The following CLSTN2 variants were observed in gnomAD, a reference collection of about 807,000 sequenced individuals.
CLSTN2 encodes the protein calsyntenin 2.
A neutral mutation model predicts 101.2 loss-of-function variants in CLSTN2; 48 were observed. That is an observed-to-expected ratio of 0.47 (90% CI 0.38 to 0.60). The LOEUF (loss-of-function observed/expected upper bound fraction) is 0.60, where lower values mean the gene tolerates loss of function less well. Among genes scored for constraint, CLSTN2 ranks in the 20% least tolerant of loss-of-function variants. CLSTN2 has a pLI of 0.00. For missense variants in CLSTN2, 1,160 were observed against 1,238.2 expected (o/e 0.94, Z 0.95); for synonymous variants, 481 against 463.6 (o/e 1.04, Z -0.48).
intron 1 of CLSTN2, among the ~76,000 whole-genome samples, chr3:140,122,104 A>G (rs2009350953): frequency 6.6e-6 from 1 of 152,132 alleles, no homozygotes; most frequent in Non-Finnish European, 1.5e-5. Context: ...GTATCTCCCC[A>G]TGGTCTCTCT....
intron 6 of CLSTN2, among the ~76,000 whole-genome samples, chr3:140,450,574 G>T (rs939269091): frequency 2.0e-5 from 3 of 152,134 alleles, no homozygotes; most frequent in Non-Finnish European, 4.4e-5. Context: ...CTTACAGTGG[G>T]CTTGTATTTG....
intron 1 of CLSTN2, among the ~76,000 whole-genome samples, chr3:140,052,744 C>T (rs936180197): frequency 5.9e-5 from 9 of 152,312 alleles, no homozygotes; most frequent in Middle Eastern, 3.4e-3. Context: ...CCAGCTGATA[C>T]GTGAAAAAAC....
chr3:140,138,007 T>C (rs1482224779), intron 1 of CLSTN2, among the ~76,000 whole-genome samples: 1 of 152,154 alleles, frequency 6.6e-6, no homozygotes, highest in Non-Finnish European at 1.5e-5. Flanking sequence ...CCATACGACA[T>C]ACACATATTC....
At chr3:140,394,281 A>T (rs1439996761) in intron 2 of CLSTN2, among the ~76,000 whole-genome samples, 1 of 152,200 alleles carries the variant, frequency 6.6e-6, no homozygotes, top group Non-Finnish European at 1.5e-5. Flanking sequence ...TTCATTTTCA[A>T]ATTTATCAAG....
At chr3:139,953,661 C>G (rs776876380) in intron 1 of CLSTN2, among the ~76,000 whole-genome samples, 1 of 152,204 alleles carries the variant, frequency 6.6e-6, no homozygotes, top group Non-Finnish European at 1.5e-5. Flanking sequence ...CCTTCCCTCT[C>G]CCTCAGGTGG....
At chr3:140,300,729 T>G (rs2087050130) in intron 2 of CLSTN2, among the ~76,000 whole-genome samples, 1 of 152,130 alleles carries the variant, frequency 6.6e-6, no homozygotes, top group Non-Finnish European at 1.5e-5. Flanking sequence ...AAATTATTAC[T>G]GAGGGCCACA....
chr3:140,425,587 A>G (rs2088558427), intron 5 of CLSTN2, among the ~76,000 whole-genome samples: 1 of 152,172 alleles, frequency 6.6e-6, no homozygotes, highest in African/African-American at 2.4e-5. Context: ...AGCCCATGGC[A>G]CTGAACTTTC....
intron 1 of CLSTN2, among the ~76,000 whole-genome samples, chr3:139,997,956 C>T (rs2006719442): frequency 6.6e-6 from 1 of 152,008 alleles, no homozygotes; most frequent in African/African-American, 2.4e-5. Context: ...TTCTGGGGAC[C>T]CTGGAGTTAT....
Position 140,202,229 on chromosome 3 carries a change from G to A in CLSTN2, c.232+26156G>A, listed in dbSNP as rs150106755. 2.1e-3 allele frequency among the ~76,000 whole-genome samples: 315 copies of A among 152,280 alleles called. 2 individuals carry two copies. Among genetic ancestry groups the A allele is most frequent in the African/African-American group, 7.2e-3 (301 of 41,554 alleles). ...CCTCTCTGCTCCTATATTGAGAAGA[G>A]GTTACAGGGCTCAAGAGCAGTGTCA... On this transcript the variant is annotated intron_variant, in intron 2 of 16. Transcript: ENST00000458420.
intron 9 of CLSTN2, among the ~76,000 whole-genome samples, chr3:140,532,924 TC>T (rs1050358790): frequency 1.1e-4 from 17 of 152,158 alleles, no homozygotes; most frequent in Non-Finnish European, 2.9e-5. Flanking sequence ...TTCTGGGAAC[TC>T]ACAAATGCCC....
rs79651574 is a variant in CLSTN2 at position 140,267,615 on chromosome 3, G to A, written c.232+91542G>A. On this transcript the variant is annotated intron_variant, in intron 2 of 16. Transcript: ENST00000458420. ...ATATAGTTATATTCTCAGAGACCGG[G>A]CTGTTTAAAACCACTGTGTTGCCTC... is the stretch of plus-strand genomic sequence containing the variant. Among the ~76,000 whole-genome samples the A allele has an allele frequency of 9.8e-3, 1,489 of 152,292 alleles. 13 individuals are homozygous for A. Among genetic ancestry groups the A allele is most frequent in the Non-Finnish European group, 0.016 (1,108 of 68,008 alleles).
chr3:140,191,596 C>A (rs2010566878), intron 2 of CLSTN2, among the ~76,000 whole-genome samples: 1 of 151,802 alleles, frequency 6.6e-6, no homozygotes, highest in South Asian at 2.1e-4. Context: ...CTCTTCAATT[C>A]TCTATTTTAT....
In CLSTN2 at chr3:140,242,883, C is replaced by T. The variant is rs923799188; in HGVS notation, c.232+66810C>T. 7.2e-5 allele frequency among the ~76,000 whole-genome samples: 11 copies of T among 152,172 alleles called. No individual in the cohort carries two copies. The South Asian group carries it at 8.3e-4, about 11-fold the overall frequency. On this transcript the variant is annotated intron_variant, in intron 2 of 16. Coordinates refer to ENST00000458420, the MANE Select transcript of CLSTN2 (RefSeq NM_022131.3). ...TGGAGGAAGGGCCTGAGCTGTCCCA[C>T]GCTGCCCTCATTTGGGACTCACATA...
chr3:140,380,659 A>T (rs1297070678), intron 2 of CLSTN2, among the ~76,000 whole-genome samples: 1 of 152,140 alleles, frequency 6.6e-6, no homozygotes, highest in Non-Finnish European at 1.5e-5. Context: ...TGCCTCACTG[A>T]CTGGGCATCC....
chr3:140,156,593 T>G (rs968086596), intron 1 of CLSTN2, among the ~76,000 whole-genome samples: 1 of 152,158 alleles, frequency 6.6e-6, no homozygotes, highest in East Asian at 1.9e-4. Context: ...TGCCATGCCA[T>G]CCATGGGTTG....
intron 2 of CLSTN2, among the ~76,000 whole-genome samples, chr3:140,199,202 C>T (rs1389206574): frequency 1.3e-5 from 2 of 152,188 alleles, no homozygotes; most frequent in Non-Finnish European, 2.9e-5. Flanking sequence ...TTTTCTCCCA[C>T]TTTGGGCAAA....
Position 139,977,996 on chromosome 3 carries a change from G to A in CLSTN2, c.109+42513G>A, listed in dbSNP as rs575254122. Among the ~76,000 whole-genome samples, 17 of 152,266 alleles carry A rather than the reference G, an allele frequency of 1.1e-4. No homozygotes were observed. The South Asian group carries it at 3.5e-3, about 32-fold the overall frequency. On this transcript the variant is annotated intron_variant, in intron 1 of 16. Coordinates refer to ENST00000458420, the MANE Select transcript of CLSTN2 (RefSeq NM_022131.3). ...ATTTCCCATTTCGACACTGGGAGGG[G>A]CTGGCTCTGAGGAAGGCCCCCAAGC...
At chr3:140,180,475 A>G (rs192667803) in intron 2 of CLSTN2, among the ~76,000 whole-genome samples, 107 of 152,342 alleles carry the variant, frequency 7.0e-4, no homozygotes, top group African/African-American at 2.4e-3. Flanking sequence ...AGAATCAGAT[A>G]CAGAAAAGAA....
intron 8 of CLSTN2, among the ~76,000 whole-genome samples, chr3:140,472,557 C>G (rs1933873161): frequency 6.6e-6 from 1 of 152,234 alleles, no homozygotes; most frequent in Non-Finnish European, 1.5e-5. Context: ...CTGTTAAAGA[C>G]TAGCTCTTGG....
Sources: allele counts gnomAD v4.1 joint callset (sites outside exome capture counted in the v4.1 genomes callset), GRCh38; gene constraint gnomAD v4.1.1; transcripts MANE v1.5; gene names NCBI Gene and HGNC (gene_info 2026-07-23, HGNC 2026-07-21).